Variants in RMDN2 observed in about 807,000 individuals in gnomAD.
The protein encoded by RMDN2 is regulator of microtubule dynamics protein 2.
In RMDN2, 61 loss-of-function variants were observed where a neutral mutation model predicts 52.8. The ratio of observed to expected loss-of-function variants is 1.16; its 90% CI spans 0.94 to 1.43. The LOEUF is 1.43. Ranked by LOEUF, RMDN2 falls within the 40% of genes most tolerant of loss-of-function variation. RMDN2 has a pLI of 0.00. For synonymous variants in RMDN2, 180 were observed against 153.1 expected, an observed-to-expected ratio of 1.18 and a Z score of -1.30; for missense variants, 592 against 475.3, an observed-to-expected ratio of 1.25 and a Z score of -2.28.
chr2:38,001,943 A>G (rs1477993299), intron 8 of RMDN2, among the ~76,000 whole-genome samples: 1 of 152,174 alleles, frequency 6.6e-6, no homozygotes, highest in Non-Finnish European at 1.5e-5. Context: ...CTTGATTGAA[A>G]TTGACAACTT....
chr2:38,036,198 G>C (rs925365158), intron 10 of RMDN2: 1 of 152,142 alleles, frequency 6.6e-6, no homozygotes, highest in Admixed American at 6.5e-5. Flanking sequence ...TCACCTGCCG[G>C]AGCACTGTAC....
chr2:37,934,104 TCTTTTG>T (rs2124906142), intron 2 of RMDN2, among the ~76,000 whole-genome samples: 1 of 152,338 alleles, frequency 6.6e-6, no homozygotes, highest in Admixed American at 6.5e-5. Context: ...GTAACATTTC[TCTTTTG>T]CAATAGGTAC....
At chr2:37,921,397 T>C (rs570510332), upstream of RMDN2, among the ~76,000 whole-genome samples, 1 of 152,208 alleles carries the variant, frequency 6.6e-6, no homozygotes, top group Non-Finnish European at 1.5e-5. Context: ...ACATCAGACA[T>C]AGTATTATAT....
At chr2:38,045,771 G>C (rs1429763525) in intron 10 of RMDN2, among the ~76,000 whole-genome samples, 1 of 152,218 alleles carries the variant, frequency 6.6e-6, no homozygotes, top group Admixed American at 6.5e-5. Context: ...GTTGGTATGA[G>C]AGTTCTACCA....
intron 2 of RMDN2, among the ~76,000 whole-genome samples, chr2:37,932,738 G>T (rs1284417955): frequency 7.0e-6 from 1 of 142,162 alleles, no homozygotes; most frequent in South Asian, 2.3e-4. Context: ...GGGCAGAGGG[G>T]CTCCTCACTT....
intron 10 of RMDN2, among the ~76,000 whole-genome samples, chr2:38,053,953 C>G (rs7590441): frequency 0.21 from 31,817 of 152,120 alleles, 4,673 homozygotes; most frequent in East Asian, 0.78. Context: ...GGAAGTAAAC[C>G]TACCAAGAAC....
chr2:38,048,916 A>G (rs188339245), intron 10 of RMDN2, among the ~76,000 whole-genome samples: 9 of 152,352 alleles, frequency 5.9e-5, no homozygotes, highest in Admixed American at 3.9e-4. Context: ...TTGATTGACT[A>G]ACTCATTATG....
At chr2:37,979,631 T>C (rs1372828031) in intron 4 of RMDN2, among the ~76,000 whole-genome samples, 1 of 152,340 alleles carries the variant, frequency 6.6e-6, no homozygotes, top group Admixed American at 6.5e-5. Flanking sequence ...CTAACTTTCC[T>C]AATTAAGTAA....
chr2:37,977,144 C>CA (rs987190890), intron 4 of RMDN2, among the ~76,000 whole-genome samples: 1 of 152,196 alleles, frequency 6.6e-6, no homozygotes, highest in Non-Finnish European at 1.5e-5. Flanking sequence ...GCATATGTTT[C>CA]AGAGAGCACA....
intron 5 of RMDN2, 152 bp downstream of exon 5, chr2:37,981,495 C>T: frequency 1.8e-6 from 1 of 569,466 alleles, no homozygotes; most frequent in Non-Finnish European, 3.1e-6. Context: ...TGTTCTTATT[C>T]TGTTTATTCA....
At chr2:38,045,027 A>G (rs1270763277) in intron 10 of RMDN2, among the ~76,000 whole-genome samples, 3 of 151,954 alleles carry the variant, frequency 2.0e-5, no homozygotes, top group African/African-American at 7.2e-5. Context: ...GTTTTATGGT[A>G]TCAAATAGTA....
chr2:38,066,621 C>G (rs1477846346), intron 10 of RMDN2, among the ~76,000 whole-genome samples: 1 of 152,154 alleles, frequency 6.6e-6, no homozygotes, highest in Admixed American at 6.5e-5. Context: ...CTGTGAGTTT[C>G]TAACAACCAC....
chr2:37,928,633 A>G (rs528840660), intron 1 of RMDN2: 1 of 152,330 alleles, frequency 6.6e-6, no homozygotes, highest in South Asian at 2.1e-4. Flanking sequence ...CTGCTCACAT[A>G]ATCTGCCTTT....
intron 10 of RMDN2, among the ~76,000 whole-genome samples, chr2:38,041,845 A>T (rs940407260): frequency 2.6e-5 from 4 of 152,088 alleles, no homozygotes; most frequent in Non-Finnish European, 5.9e-5. Context: ...ACAGTGTTAG[A>T]TTCAGTTTGC....
At chr2:38,020,572 G>A (rs1417180407), downstream of RMDN2, among the ~76,000 whole-genome samples, 1 of 152,226 alleles carries the variant, frequency 6.6e-6, no homozygotes, top group Non-Finnish European at 1.5e-5. Context: ...TGGAGTTCCG[G>A]GTGGGCGTGG....
At chr2:38,008,489 T>C (rs1229654147) in intron 10 of RMDN2, among the ~76,000 whole-genome samples, 5 of 152,214 alleles carry the variant, frequency 3.3e-5, no homozygotes, top group Non-Finnish European at 7.3e-5. Flanking sequence ...TTGATCTTTG[T>C]TGGTTTAAAG....
intron 10 of RMDN2, among the ~76,000 whole-genome samples, chr2:38,033,833 T>A (rs796355299): frequency 6.6e-6 from 1 of 152,222 alleles, no homozygotes; most frequent in African/African-American, 2.4e-5. Flanking sequence ...CCTGCTCTTG[T>A]TGACAATGTA....
intron 10 of RMDN2, among the ~76,000 whole-genome samples, chr2:38,016,131 C>T (rs1678744541): frequency 6.6e-6 from 1 of 152,222 alleles, no homozygotes; most frequent in Admixed American, 6.5e-5. Flanking sequence ...CACACTGTAT[C>T]AGTGTAACCA....
At chr2:37,923,245 T>A (rs1191678255), upstream of RMDN2, 1 of 152,226 alleles carries the variant, frequency 6.6e-6, no homozygotes, top group African/African-American at 2.4e-5. Context: ...ACCTTTCAGA[T>A]AATTTTTACT....
Sources: allele counts gnomAD v4.1 joint callset (sites outside exome capture counted in the v4.1 genomes callset), GRCh38; gene constraint gnomAD v4.1.1; transcripts MANE v1.5; gene names NCBI Gene and HGNC (gene_info 2026-07-23, HGNC 2026-07-21).